The following UNC13C variants were observed in gnomAD, a reference collection of about 807,000 sequenced individuals.
UNC13C encodes unc-13 homolog C.
Under a neutral mutation model 245.4 loss-of-function variants are expected in UNC13C, and 174 were observed. That is an observed-to-expected ratio of 0.71 (90% CI 0.63 to 0.80). The LOEUF is 0.80. UNC13C is among the 30% of genes least tolerant of loss of function. The pLI, the probability that UNC13C is intolerant of heterozygous loss-of-function variation, is 0.00. For missense variants in UNC13C, 2,829 were observed against 2,602.9 expected (o/e 1.09, Z -1.89); for synonymous variants, 992 against 895.1 (o/e 1.11, Z -1.93).
chr15:54,037,580 A>T (rs565468600), intron 2 of UNC13C, among the ~76,000 whole-genome samples: 30 of 152,284 alleles, frequency 2.0e-4, no homozygotes, highest in Admixed American at 1.4e-3. Flanking sequence ...ATATTTTTTT[A>T]AATTACGCTA....
chr15:54,119,885 G>A (rs1384154540), intron 2 of UNC13C, among the ~76,000 whole-genome samples: 1 of 152,122 alleles, frequency 6.6e-6, no homozygotes, highest in Non-Finnish European at 1.5e-5. Context: ...TTCACAACAA[G>A]GCCCTAAGGC....
At chr15:54,592,167 A>G (rs1424122539) in intron 30 of UNC13C, among the ~76,000 whole-genome samples, 1 of 152,158 alleles carries the variant, frequency 6.6e-6, no homozygotes, top group Non-Finnish European at 1.5e-5. Context: ...AGTGCTTGAT[A>G]TAATTTCAGT....
At chr15:54,217,464 C>G (rs967629810) in intron 4 of UNC13C, among the ~76,000 whole-genome samples, 4 of 151,928 alleles carry the variant, frequency 2.6e-5, no homozygotes, top group African/African-American at 9.7e-5. Context: ...ATTCTTTTAA[C>G]TCTCTATGCA....
At chr15:54,270,262 G>A (rs2036651917) in intron 10 of UNC13C, among the ~76,000 whole-genome samples, 1 of 152,186 alleles carries the variant, frequency 6.6e-6, no homozygotes, top group Admixed American at 6.5e-5. Flanking sequence ...GTTGAAAAAT[G>A]TATACACATC....
At chr15:54,449,004 T>C (rs1328822790) in intron 19 of UNC13C, among the ~76,000 whole-genome samples, 1 of 152,230 alleles carries the variant, frequency 6.6e-6, no homozygotes, top group Non-Finnish European at 1.5e-5. Context: ...TGCTTGTCTG[T>C]AAAGGATTTT....
intron 2 of UNC13C, among the ~76,000 whole-genome samples, chr15:54,076,889 G>T (rs1196628075): frequency 6.6e-6 from 1 of 152,132 alleles, no homozygotes; most frequent in Non-Finnish European, 1.5e-5. Context: ...TTATCAGATT[G>T]ATTTAGAGAA....
At chr15:53,896,160 T>G in the UNC13C span, among the ~76,000 whole-genome samples, 1 of 152,010 alleles carries the variant, frequency 6.6e-6, no homozygotes, top group East Asian at 1.9e-4. Context: ...TGAATACATT[T>G]GAATATCATA....
At chr15:54,569,613 T>C (rs1414168213) in intron 30 of UNC13C, among the ~76,000 whole-genome samples, 3 of 152,056 alleles carry the variant, frequency 2.0e-5, no homozygotes, top group African/African-American at 4.8e-5. Context: ...TGTGTGTGTG[T>C]ATAATCAACT....
At chr15:54,093,727 C>T (rs1260571058) in intron 2 of UNC13C, among the ~76,000 whole-genome samples, 3 of 152,106 alleles carry the variant, frequency 2.0e-5, no homozygotes, top group Non-Finnish European at 4.4e-5. Flanking sequence ...GAGCATATGT[C>T]TATATCAATA....
chr15:53,948,879 TA>T, the UNC13C span, among the ~76,000 whole-genome samples: 1 of 151,946 alleles, frequency 6.6e-6, no homozygotes, highest in African/African-American at 2.4e-5. Flanking sequence ...GAAATGAAGC[TA>T]GAGAGGGGAA....
At chr15:54,380,496 A>T (rs2039700116) in intron 17 of UNC13C, among the ~76,000 whole-genome samples, 1 of 152,126 alleles carries the variant, frequency 6.6e-6, no homozygotes. Flanking sequence ...TACAGTGGTC[A>T]GCTGAATCAC....
intron 2 of UNC13C, among the ~76,000 whole-genome samples, chr15:54,127,744 TA>T: frequency 8.4e-6 from 1 of 118,988 alleles, no homozygotes. Context: ...ATTAAATATA[TA>T]TTTCATATAT....
At chr15:54,170,453 A>G (rs1434160209) in intron 4 of UNC13C, among the ~76,000 whole-genome samples, 2 of 152,220 alleles carry the variant, frequency 1.3e-5, no homozygotes, top group Non-Finnish European at 2.9e-5. Flanking sequence ...GAGATGATCT[A>G]TATATTCTGG....
chr15:54,613,021 G>A (rs182284573), intron 30 of UNC13C, among the ~76,000 whole-genome samples: 132 of 151,868 alleles, frequency 8.7e-4, no homozygotes, highest in Non-Finnish European at 1.7e-3. Context: ...ATAAAATTAG[G>A]AGATTATTAT....
intron 17 of UNC13C, among the ~76,000 whole-genome samples, chr15:54,366,235 C>T (rs1459979016): frequency 6.6e-6 from 1 of 152,050 alleles, no homozygotes; most frequent in Non-Finnish European, 1.5e-5. Flanking sequence ...TTGGGTGGTG[C>T]ATTTTCTAGT....
At chr15:54,074,523 T>C (rs1898493180) in intron 2 of UNC13C, among the ~76,000 whole-genome samples, 1 of 152,236 alleles carries the variant, frequency 6.6e-6, no homozygotes, top group South Asian at 2.1e-4. Flanking sequence ...GAAATGTTTT[T>C]ACATTTGTTT....
chr15:53,857,305 T>C, the UNC13C span, among the ~76,000 whole-genome samples: 5 of 152,316 alleles, frequency 3.3e-5, no homozygotes, highest in South Asian at 1.0e-3. Context: ...TTACTTTTCA[T>C]AACCCAAATT....
At chr15:54,511,879 T>C (rs1894762959) in intron 24 of UNC13C, 49 bp downstream of exon 24, 1 of 1,312,614 alleles carries the variant, frequency 7.6e-7, no homozygotes, top group African/African-American at 1.5e-5. Flanking sequence ...TTAGAGATTA[T>C]TAGCAGCATA....
At chr15:54,301,810 G>T (rs1223701440) in intron 13 of UNC13C, among the ~76,000 whole-genome samples, 1 of 152,054 alleles carries the variant, frequency 6.6e-6, no homozygotes, top group African/African-American at 2.4e-5. Flanking sequence ...ATCTAGTAAT[G>T]GGCTTGCTGG....
Sources: allele counts gnomAD v4.1 joint callset (sites outside exome capture counted in the v4.1 genomes callset), GRCh38; gene constraint gnomAD v4.1.1; transcripts MANE v1.5; gene names NCBI Gene and HGNC (gene_info 2026-07-23, HGNC 2026-07-21).